The following RUNX3 variants were observed in gnomAD, a reference collection of about 807,000 sequenced individuals.
RUNX3 encodes the protein runt-related transcription factor 3.
Under a neutral mutation model 27.7 loss-of-function variants are expected in RUNX3, and 10 were observed. That is an observed-to-expected ratio of 0.36 (90% confidence interval 0.22 to 0.61). The LOEUF is 0.61. Ranked by LOEUF, RUNX3 falls within the 20% of genes least tolerant of loss-of-function variation. The pLI is 0.72. For synonymous variants in RUNX3, 270 were observed against 269.2 expected (o/e 1.00, Z -0.03); for missense variants, 469 against 629.5 (o/e 0.75, Z 2.73).
At position 24,902,529 on chromosome 1, in the gene RUNX3, T is replaced by C. The variant is rs761881794; in HGVS notation, c.841A>G (p.Ser281Gly). 6.3e-7 allele frequency: 1 copy of C among 1,594,236 alleles called. No homozygotes were observed. Among genetic ancestry groups the C allele is most frequent in the Non-Finnish European group, 8.6e-7 (1 of 1,165,630 alleles). Residue 281 changes from serine to glycine, a missense_variant, in exon 5 of 5, where the codon AGC becomes GGC. Physicochemically the swap from Ser to Gly is moderately conservative, Grantham distance 56 (BLOSUM62 0). Coordinates refer to ENST00000308873, the MANE Select transcript of RUNX3 (RefSeq NM_004350.3). The surrounding 1 kb of genome is among the most constrained non-coding windows in gnomAD (Gnocchi z 9.2). Reference protein sequence around the residue: ...PGAMSAAFPYSATPSGTSISS... With the variant: ...PGAMSAAFPYGATPSGTSISS... The stretch of plus-strand genomic sequence containing the variant: ...ATGCTCGTGCCCGAGGGCGTGGCGC[T>C]GTAGGGGAAGGCAGCTGACATGGCC...
Position 24,962,794 on chromosome 1 carries a change from C to G in RUNX3, c.58+1720G>C, listed in dbSNP as rs1264386648. ...TCCCTTTGTGCCCTTTGTGCTACTG[C>G]CAGCCACCTCCCAGGCTCCGAGGAT... On this transcript the variant is annotated intron_variant, in intron 2 of 6. Transcript: ENST00000338888. The surrounding 1 kb of genome is among the most constrained non-coding windows in gnomAD (Gnocchi z 4.5). 1.3e-5 allele frequency among the ~76,000 whole-genome samples: 2 copies of G among 152,194 alleles called. No homozygotes were observed. Among genetic ancestry groups the G allele is most frequent in the Admixed American group, 1.3e-4 (2 of 15,286 alleles).
At chr1:24,940,905 T>G (rs1641460652) in intron 2 of RUNX3, among the ~76,000 whole-genome samples, 1 of 152,202 alleles carries the variant, frequency 6.6e-6, no homozygotes, top group Non-Finnish European at 1.5e-5. Flanking sequence ...TTCTTCTTCT[T>G]TAAACAATAC....
At chr1:24,909,744 C>T (rs1640761106) in intron 3 of RUNX3, among the ~76,000 whole-genome samples, 1 of 152,224 alleles carries the variant, frequency 6.6e-6, no homozygotes, top group Admixed American at 6.5e-5. Context: ...GTGGCTGCAG[C>T]TTCTCCAGGG....
At chr1:24,906,184 G>A (rs545774956) in intron 4 of RUNX3, among the ~76,000 whole-genome samples, 13 of 152,214 alleles carry the variant, frequency 8.5e-5, no homozygotes, top group South Asian at 2.1e-4. Context: ...CAGGCAGACC[G>A]GTTGGCAGCC....
intron 2 of RUNX3, among the ~76,000 whole-genome samples, chr1:24,937,569 G>A (rs1571335359): frequency 6.6e-6 from 1 of 152,244 alleles, no homozygotes; most frequent in South Asian, 2.1e-4. Context: ...CATATGGCAA[G>A]GAAGCCTAGA....
rs1013024245 is a variant in RUNX3, at chr1:24,929,990, C to G, written c.-122G>C. 2.3e-4 allele frequency: 265 copies of G among 1,170,754 alleles called. No individual in the cohort carries two copies. The highest frequency in any genetic ancestry group is 1.0e-3 in the Middle Eastern group (3 of 2,884). 72.5% of individuals were successfully genotyped at this position (1,170,754 alleles called of 1,614,324 possible). Reference sequence around the variant, plus strand: ...AGCGGGAAAGCAGAAGCGGCGGGGCCCGGGCCTCAGGGCGCAGGGGGCGGC... The same window carrying G: ...AGCGGGAAAGCAGAAGCGGCGGGGCGCGGGCCTCAGGGCGCAGGGGGCGGC... On this transcript the variant is annotated 5_prime_UTR_variant, in exon 1 of 5. Transcript: ENST00000308873.
chr1:24,957,853 G>A (rs1165217307), intron 2 of RUNX3, among the ~76,000 whole-genome samples: 1 of 152,232 alleles, frequency 6.6e-6, no homozygotes, highest in Non-Finnish European at 1.5e-5. Context: ...GCCACACAGC[G>A]AGGAAGTGGC....
intron 2 of RUNX3, among the ~76,000 whole-genome samples, chr1:24,925,759 TGA>T (rs1405677768): frequency 6.6e-6 from 1 of 151,966 alleles, no homozygotes; most frequent in East Asian, 1.9e-4. Context: ...TATGGACCTC[TGA>T]GAGGAGATGG....
chr1:24,908,990 G>A (rs1266892560), intron 3 of RUNX3, among the ~76,000 whole-genome samples: 1 of 152,140 alleles, frequency 6.6e-6, no homozygotes, highest in African/African-American at 2.4e-5. Context: ...TGGAAGCTGG[G>A]GTCAGGGGAC....
intron 3 of RUNX3, 55 bp downstream of exon 3, chr1:24,919,185 C>T: frequency 1.8e-6 from 2 of 1,138,290 alleles, no homozygotes; most frequent in South Asian, 2.7e-5. Context: ...GCTGTCCTTC[C>T]CGCACTGGAC....
In RUNX3 at chr1:24,902,654, A is replaced by C; in HGVS notation, c.716T>G (p.Leu239Arg). Residue 239 changes from leucine to arginine, a missense_variant, in exon 5 of 5, where the codon CTG becomes CGG. By Grantham distance (102) the Leu-to-Arg change is moderately radical. This residue lies in a region of RUNX3 where 279 missense variants were observed against 343.0 expected (regional missense o/e 0.81). Transcript: ENST00000308873. The surrounding 1 kb of genome is among the most constrained non-coding windows in gnomAD (Gnocchi z 9.2). Reference sequence around the variant, plus strand: ...CTGGCGGGGGTCGGAGAATGGGTTCAGTTCCGAGGTGCCTGGAGGACAGCA... The same window carrying C: ...CTGGCGGGGGTCGGAGAATGGGTTCCGTTCCGAGGTGCCTGGAGGACAGCA... Reference protein sequence around the residue: ...PQTPIQGTSELNPFSDPRQFD... With the variant: ...PQTPIQGTSERNPFSDPRQFD... 6.6e-7 allele frequency: 1 copy of C among 1,519,644 alleles called. No homozygotes were observed. Among genetic ancestry groups the C allele is most frequent in the African/African-American group, 1.4e-5 (1 of 72,078 alleles). 94.1% of individuals were successfully genotyped at this position (1,519,644 alleles called of 1,614,324 possible).
At chr1:24,910,384 T>C (rs1338300487) in intron 3 of RUNX3, among the ~76,000 whole-genome samples, 1 of 151,758 alleles carries the variant, frequency 6.6e-6, no homozygotes, top group Non-Finnish European at 1.5e-5. Context: ...GTTTTCTAGT[T>C]TGGCAGAGGG....
chr1:24,906,388 A>T (rs762300936), intron 4 of RUNX3, among the ~76,000 whole-genome samples: 9 of 152,222 alleles, frequency 5.9e-5, no homozygotes, highest in Non-Finnish European at 1.0e-4. Flanking sequence ...GAATGGGCAC[A>T]GTCCGTGACG....
intron 2 of RUNX3, among the ~76,000 whole-genome samples, chr1:24,949,015 C>T (rs1048879237): frequency 3.3e-5 from 5 of 151,960 alleles, no homozygotes; most frequent in Non-Finnish European, 5.9e-5. Flanking sequence ...ATACAGAAAA[C>T]ACATAAAAAA....
intron 2 of RUNX3, among the ~76,000 whole-genome samples, chr1:24,922,300 C>T (rs540226268): frequency 4.6e-5 from 7 of 151,422 alleles, no homozygotes; most frequent in South Asian, 4.2e-4. Flanking sequence ...GGATTACAGT[C>T]GTAAACCACT....
intron 3 of RUNX3, among the ~76,000 whole-genome samples, chr1:24,918,449 T>C (rs959632936): frequency 6.6e-6 from 1 of 152,186 alleles, no homozygotes; most frequent in African/African-American, 2.4e-5. Context: ...TAAAAGGTCT[T>C]CTAAACTACA....
rs978765383 is a variant in RUNX3, at chr1:24,928,275, G to C, written c.283-545C>G. Reference sequence around the variant, plus strand: ...AAATTCGTTATGCAGAGAAAATGCAGAATGCAAAACTCACTGGTGTTTTGA... The same window carrying C: ...AAATTCGTTATGCAGAGAAAATGCACAATGCAAAACTCACTGGTGTTTTGA... On this transcript the variant is annotated intron_variant, in intron 1 of 4. Coordinates refer to ENST00000308873, the MANE Select transcript of RUNX3 (RefSeq NM_004350.3). Among the ~76,000 whole-genome samples, 29 of 152,230 alleles carry C rather than the reference G, an allele frequency of 1.9e-4. 1 individual carries two copies. Among genetic ancestry groups the C allele is most frequent in the Admixed American group, 1.4e-3 (22 of 15,282 alleles).
At chr1:24,913,825 C>A (rs1326304441) in intron 3 of RUNX3, among the ~76,000 whole-genome samples, 1 of 152,216 alleles carries the variant, frequency 6.6e-6, no homozygotes, top group Non-Finnish European at 1.5e-5. Context: ...TCTGGGGGAA[C>A]CAAGAGACCA....
chr1:24,929,445 G>C lies in RUNX3; in HGVS notation c.282+142C>G, dbSNP rs937740097. The C allele has an allele frequency of 1.2e-5, 10 of 854,606 alleles. No homozygotes were observed. The Middle Eastern group carries it at 1.5e-3, about 128-fold the overall frequency. 52.9% of individuals were successfully genotyped at this position (854,606 alleles called of 1,614,324 possible). A position where few individuals can be genotyped will look rare whatever the true frequency, so the allele number is the denominator to read the frequency against. Reference sequence around the variant, plus strand: ...CCGAGGTCCCGGAGCCGAGCGCGCAGCCAGACTGAACCGGGTGCCCGGGTG... The same window carrying C: ...CCGAGGTCCCGGAGCCGAGCGCGCACCCAGACTGAACCGGGTGCCCGGGTG... On this transcript the variant is annotated intron_variant, in intron 1 of 4. Coordinates refer to ENST00000308873, the MANE Select transcript of RUNX3 (RefSeq NM_004350.3).
Sources: gnomAD v4.1 joint callset for allele counts (sites outside exome capture counted in the v4.1 genomes callset) on GRCh38, gnomAD v4.1.1 for gene constraint, gnomAD v4.1.1 regional missense constraint, Gnocchi (gnomAD v3.1) non-coding constraint, MANE v1.5 for transcripts, NCBI Gene and HGNC (gene_info 2026-07-23, HGNC 2026-07-21) for gene names.